Variants in RORA observed in about 807,000 individuals in gnomAD.
RORA encodes RAR related orphan receptor A, also known as nuclear receptor ROR-alpha.
Under a neutral mutation model 69.5 loss-of-function variants are expected in RORA, and 7 were observed. The ratio of observed to expected loss-of-function variants is 0.10; its 90% CI spans 0.06 to 0.19. The LOEUF (loss-of-function observed/expected upper bound fraction) is 0.19. Ranked by LOEUF, RORA falls within the 10% of genes least tolerant of loss-of-function variation. The pLI is 1.00. For synonymous variants in RORA, 261 were observed against 240.8 expected (o/e 1.08, Z -0.78); for missense variants, 457 against 663.0 (o/e 0.69, Z 3.41).
intron 1 of RORA, among the ~76,000 whole-genome samples, chr15:60,902,332 T>G (rs1014070723): frequency 1.9e-4 from 29 of 152,140 alleles, no homozygotes; most frequent in African/African-American, 6.3e-4. Flanking sequence ...CAGGTGATCC[T>G]TCTTAGTAAA....
chr15:60,657,795 C>T (rs775942949), intron 2 of RORA, among the ~76,000 whole-genome samples: 26 of 152,172 alleles, frequency 1.7e-4, no homozygotes, highest in Non-Finnish European at 3.1e-4. Context: ...GATAAATTGC[C>T]ACGTTTATCA....
chr15:61,165,222 G>A (rs1156844745), intron 1 of RORA, among the ~76,000 whole-genome samples: 1 of 152,184 alleles, frequency 6.6e-6, no homozygotes, highest in Admixed American at 6.5e-5. Flanking sequence ...GCATCTGGGG[G>A]CATAAGCCAG....
At chr15:61,106,274 T>C (rs2078947739) in intron 1 of RORA, among the ~76,000 whole-genome samples, 1 of 152,148 alleles carries the variant, frequency 6.6e-6, no homozygotes, top group African/African-American at 2.4e-5. Context: ...TCCCACAAGG[T>C]ATTAATAGTA....
At chr15:61,201,928 A>G (rs1188221775) in intron 1 of RORA, among the ~76,000 whole-genome samples, 1 of 152,052 alleles carries the variant, frequency 6.6e-6, no homozygotes, top group Non-Finnish European at 1.5e-5. Flanking sequence ...CGAACTGACT[A>G]TTAGATTCGA....
At chr15:60,851,724 G>A (rs909625849) in intron 1 of RORA, among the ~76,000 whole-genome samples, 2 of 148,772 alleles carry the variant, frequency 1.3e-5, no homozygotes, top group Non-Finnish European at 3.0e-5. Context: ...GTGTGTGTGT[G>A]AGAGAGAGTG....
At chr15:60,898,722 C>G (rs1443674719) in intron 1 of RORA, among the ~76,000 whole-genome samples, 1 of 151,752 alleles carries the variant, frequency 6.6e-6, no homozygotes, top group Non-Finnish European at 1.5e-5. Flanking sequence ...GAAATGGAGG[C>G]AGGAAAGGCA....
chr15:60,948,204 T>C (rs1374102957), intron 1 of RORA, among the ~76,000 whole-genome samples: 2 of 150,970 alleles, frequency 1.3e-5, no homozygotes, highest in Non-Finnish European at 2.9e-5. Flanking sequence ...GGGACAAAAC[T>C]ACCTGGAGAG....
At chr15:60,554,661 A>G (rs997182542) in intron 2 of RORA, among the ~76,000 whole-genome samples, 3 of 152,218 alleles carry the variant, frequency 2.0e-5, no homozygotes, top group African/African-American at 7.2e-5. Context: ...AACTCTAGCT[A>G]CTTTGGTGAG....
At chr15:60,814,224 C>T (rs1432078095) in intron 1 of RORA, among the ~76,000 whole-genome samples, 2 of 152,170 alleles carry the variant, frequency 1.3e-5, no homozygotes, top group African/African-American at 2.4e-5. Flanking sequence ...TCAGACCAAC[C>T]TTGGCTCCTC....
intron 1 of RORA, among the ~76,000 whole-genome samples, chr15:61,017,484 T>C (rs540849016): frequency 9.9e-5 from 15 of 152,264 alleles, no homozygotes; most frequent in African/African-American, 3.1e-4. Flanking sequence ...AGAACACAAA[T>C]TGAGTCTAGA....
chr15:60,871,879 A>G (rs751619524), intron 1 of RORA, among the ~76,000 whole-genome samples: 3 of 152,260 alleles, frequency 2.0e-5, no homozygotes, highest in Non-Finnish European at 2.9e-5. Context: ...TAATGTGCCA[A>G]TGTTAACTTC....
At position 61,128,759 on chromosome 15, in the gene RORA, A is replaced by T. The variant is rs1430766861; in HGVS notation, c.166+100294T>A. Among the ~76,000 whole-genome samples, 1 of 152,220 alleles carries T rather than the reference A, an allele frequency of 6.6e-6. No individual in the cohort carries two copies. Among genetic ancestry groups the T allele is most frequent in the Non-Finnish European group, 1.5e-5 (1 of 68,038 alleles). ...AGTAAAAGCAGATCACAAAGGATCT[A>T]GTGTCTCAGAACACAACCAAATATT... On this transcript the variant is annotated intron_variant, in intron 1 of 10. Coordinates refer to ENST00000335670, the MANE Select transcript of RORA (RefSeq NM_134261.3). This position sits in a 1 kb window ranked among gnomAD's most constrained non-coding sequence, Gnocchi z 4.5.
chr15:60,980,103 G>T (rs774007205), intron 1 of RORA, among the ~76,000 whole-genome samples: 1 of 151,968 alleles, frequency 6.6e-6, no homozygotes, highest in Admixed American at 6.5e-5. Flanking sequence ...GTGAGATTTG[G>T]TTAAATCCTT....
At chr15:60,829,150 C>T (rs1418174482) in intron 1 of RORA, among the ~76,000 whole-genome samples, 1 of 152,162 alleles carries the variant, frequency 6.6e-6, no homozygotes, top group African/African-American at 2.4e-5. Flanking sequence ...TCAAGCCTCA[C>T]CTTCGCTTAC....
chr15:60,751,489 T>C (rs1393618085), intron 1 of RORA, among the ~76,000 whole-genome samples: 1 of 152,224 alleles, frequency 6.6e-6, no homozygotes, highest in Non-Finnish European at 1.5e-5. Flanking sequence ...AATATGCATG[T>C]TTATTTAACC....
chr15:61,177,764 C>A (rs914054210), intron 1 of RORA, among the ~76,000 whole-genome samples: 1 of 151,992 alleles, frequency 6.6e-6, no homozygotes, highest in Non-Finnish European at 1.5e-5. Context: ...AGTTCGAGAC[C>A]AGCCTGATCA....
chr15:60,550,652 A>G (rs2067205024), intron 2 of RORA, among the ~76,000 whole-genome samples: 1 of 152,192 alleles, frequency 6.6e-6, no homozygotes, highest in Non-Finnish European at 1.5e-5. Flanking sequence ...TCTTTTCCTT[A>G]AGGCTTAAGG....
chr15:60,722,420 A>G (rs2071305399), intron 1 of RORA, among the ~76,000 whole-genome samples: 1 of 152,228 alleles, frequency 6.6e-6, no homozygotes, highest in Non-Finnish European at 1.5e-5. Flanking sequence ...ATCTTTACAT[A>G]TGTACAAATA....
At chr15:60,927,854 A>G (rs1053271473) in intron 1 of RORA, among the ~76,000 whole-genome samples, 1 of 152,220 alleles carries the variant, frequency 6.6e-6, no homozygotes, top group Non-Finnish European at 1.5e-5. Flanking sequence ...GAGACCATTC[A>G]GTCCGATGTT....
Sources: gnomAD v4.1 joint callset for allele counts (sites outside exome capture counted in the v4.1 genomes callset) on GRCh38, gnomAD v4.1.1 for gene constraint, Gnocchi (gnomAD v3.1) non-coding constraint, MANE v1.5 for transcripts, NCBI Gene and HGNC (gene_info 2026-07-23, HGNC 2026-07-21) for gene names.